ZNF563: variants seen among roughly 807,000 people sequenced by gnomAD.
ZNF563 encodes the protein zinc finger protein 563.
A neutral mutation model predicts 48.5 loss-of-function variants in ZNF563; 39 were observed. That is an observed-to-expected ratio of 0.80 (90% CI 0.62 to 1.05). ZNF563 has a LOEUF of 1.05. Among genes scored for constraint, ZNF563 ranks in the 50% least tolerant of loss-of-function variants. The pLI, the probability that ZNF563 is intolerant of heterozygous loss-of-function variation, is 0.00. For synonymous variants in ZNF563, 168 were observed against 187.9 expected, an observed-to-expected ratio of 0.89 and a Z score of 0.87; for missense variants, 538 against 597.0, an observed-to-expected ratio of 0.90 and a Z score of 1.03.
At chr19:12,340,730 T>C in the ZNF563 span, among the ~76,000 whole-genome samples, 2 of 151,886 alleles carry the variant, frequency 1.3e-5, no homozygotes, top group African/African-American at 2.4e-5. Context: ...TGAGCCAAGA[T>C]TGCACCACTG....
At chr19:12,325,138 C>T (rs1968755156) in intron 1 of ZNF563, among the ~76,000 whole-genome samples, 1 of 152,026 alleles carries the variant, frequency 6.6e-6, no homozygotes, top group African/African-American at 2.4e-5. Context: ...AAAAATGGTG[C>T]AAAATACACA....
the ZNF563 span, chr19:12,346,182 A>G: frequency 2.0e-5 from 3 of 152,164 alleles, no homozygotes; most frequent in South Asian, 2.1e-4. Flanking sequence ...TGGGAGCTGA[A>G]AAAAGAAAGA....
At chr19:12,321,967 A>G (rs1968637034) in intron 2 of ZNF563, among the ~76,000 whole-genome samples, 1 of 152,184 alleles carries the variant, frequency 6.6e-6, no homozygotes, top group Non-Finnish European at 1.5e-5. Flanking sequence ...TTCTTTCTCT[A>G]GTTCACTTTA....
At chr19:12,336,586 C>A (rs537328736), upstream of ZNF563, among the ~76,000 whole-genome samples, 1 of 152,112 alleles carries the variant, frequency 6.6e-6, no homozygotes, top group Admixed American at 6.5e-5. Context: ...AGCGAGACTC[C>A]GTCTCAAAAA....
chr19:12,324,055 A>G (rs931777459), intron 1 of ZNF563, among the ~76,000 whole-genome samples: 4 of 152,192 alleles, frequency 2.6e-5, no homozygotes, highest in African/African-American at 9.7e-5. Flanking sequence ...ACAGACCTAA[A>G]TAACCAAAAA....
At position 12,319,715 on chromosome 19, in the gene ZNF563, G is replaced by C; in HGVS notation, c.310C>G (p.Gln104Glu). The C allele has an allele frequency of 6.2e-7, 1 of 1,614,090 alleles. No homozygotes were observed. Among genetic ancestry groups the C allele is most frequent in the South Asian group, 1.1e-5 (1 of 91,074 alleles). The change falls in exon 4 of 4, where the codon CAA (glutamine) becomes GAA (glutamate). Residue 104 changes from glutamine to glutamate, a missense_variant. Coordinates refer to ENST00000293725, the MANE Select transcript of ZNF563 (RefSeq NM_145276.3). ...ATGACTTCTTCACACTCAGCGCTTT[G>C]ACATGGATCTTCTCCAGGACAAATG... The part of the protein sequence containing the change: ...NSICPGEDPC[Q>E]SAECEEVIMG...
At chr19:12,332,347 CTTTTTT>C (rs567439951) in intron 1 of ZNF563, among the ~76,000 whole-genome samples, 1 of 135,174 alleles carries the variant, frequency 7.4e-6, no homozygotes, top group African/African-American at 2.8e-5. Context: ...TTTCTTTTTT[CTTTTTT>C]TTTTTTTTTT....
rs1192336817 is a variant in ZNF563 at position 12,319,214 on chromosome 19, G to T, written c.811C>A (p.His271Asn). 1 of 1,614,136 alleles carries T rather than the reference G, an allele frequency of 6.2e-7. No homozygotes were observed. The highest frequency in any genetic ancestry group is 1.7e-5 in the Admixed American group (1 of 60,006). ...ALPDSSSYIR[H>N]ERTHTGEKPY... The stretch of plus-strand genomic sequence containing the variant: ...TTCTCTCCAGTGTGAGTTCTTTCAT[G>T]TCTTATATAGGAACTGGAATCAGGC... The change falls in exon 4 of 4, where the codon CAT becomes AAT. Residue 271 changes from histidine to asparagine, a missense_variant. By Grantham distance (68) the His-to-Asn change is moderately conservative. Transcript: ENST00000293725.
intron 1 of ZNF563, among the ~76,000 whole-genome samples, chr19:12,329,472 CAAA>C (rs754295632): frequency 5.3e-5 from 4 of 75,914 alleles, no homozygotes; most frequent in Admixed American, 1.6e-4. Context: ...GACTCCATCT[CAAA>C]AAAAAAAAAA....
chr19:12,343,285 C>G, the ZNF563 span, among the ~76,000 whole-genome samples: 1,772 of 152,016 alleles, frequency 0.012, 50 homozygotes, highest in African/African-American at 0.04. Flanking sequence ...GAAAAGGAAG[C>G]GCAAACTTCT....
chr19:12,344,537 A>T, the ZNF563 span, among the ~76,000 whole-genome samples: 1 of 152,194 alleles, frequency 6.6e-6, no homozygotes, highest in Non-Finnish European at 1.5e-5. Flanking sequence ...CTTTTAAAAA[A>T]TACATTTGAT....
chr19:12,320,650 C>T (rs1184043241), intron 3 of ZNF563, among the ~76,000 whole-genome samples: 1 of 152,004 alleles, frequency 6.6e-6, no homozygotes, highest in Non-Finnish European at 1.5e-5. Flanking sequence ...CAGGTGCATA[C>T]CCCCATGCCC....
the ZNF563 span, among the ~76,000 whole-genome samples, chr19:12,344,970 A>G: frequency 6.6e-6 from 1 of 152,042 alleles, no homozygotes; most frequent in East Asian, 1.9e-4. Context: ...GAAAATTAAG[A>G]AAATAATTTT....
the ZNF563 span, chr19:12,346,189 A>G: frequency 6.6e-6 from 1 of 152,308 alleles, no homozygotes; most frequent in Non-Finnish European, 1.5e-5. Context: ...TGAAAAAAGA[A>G]AGAAATTTTC....
chr19:12,342,931 G>A, the ZNF563 span, among the ~76,000 whole-genome samples: 150 of 151,886 alleles, frequency 9.9e-4, no homozygotes, highest in African/African-American at 3.6e-3. Context: ...GGTGCGGTGG[G>A]TTACACCTGT....
rs1968978023 is a variant in ZNF563, at chr19:12,333,626, G to A, written c.-144C>T. 1 of 1,258,852 alleles carries A rather than the reference G, an allele frequency of 7.9e-7. No homozygotes were observed. The highest frequency in any genetic ancestry group is 1.4e-5 in the South Asian group (1 of 69,004). The allele number at this position is 1,258,852 out of a possible 1,614,324, so 78.0% of individuals were successfully genotyped here. A position where few individuals can be genotyped will look rare whatever the true frequency, so the allele number is the denominator to read the frequency against. On this transcript the variant is annotated 5_prime_UTR_variant, in exon 1 of 4. Transcript: ENST00000293725. ...CAGACGTTCCAGGGCGTCTCTCAGC[G>A]AGCGACTGAGTCTAGAGCTGAGCGC...
In ZNF563 at chr19:12,319,545, T is replaced by C; in HGVS notation, c.480A>G (p.Gly160=). The change falls in exon 4 of 4, where the codon GGA becomes GGG. Residue 160 remains glycine, a synonymous_variant. Coordinates refer to ENST00000293725, the MANE Select transcript of ZNF563 (RefSeq NM_145276.3). ...AGCGTTTCTTTCCAGTGTGAGGCCT[T>C]CCACGCGACTGAAAGGAGTGATGGT... ...FSYHHSFQSR[G]RPHTGKKRYE... 1 of 1,614,210 alleles carries C rather than the reference T, an allele frequency of 6.2e-7. No homozygotes were observed. The highest frequency in any genetic ancestry group is 8.5e-7 in the Non-Finnish European group (1 of 1,180,040).
chr19:12,339,820 A>T, the ZNF563 span, among the ~76,000 whole-genome samples: 1 of 152,230 alleles, frequency 6.6e-6, no homozygotes, highest in South Asian at 2.1e-4. Context: ...GACATCCAAG[A>T]AGCTCAACGA....
intron 1 of ZNF563, among the ~76,000 whole-genome samples, chr19:12,324,425 A>G (rs1334453727): frequency 1.3e-5 from 2 of 151,068 alleles, no homozygotes; most frequent in African/African-American, 2.4e-5. Flanking sequence ...ATGCTAAAAA[A>G]CCTCCTCACT....
Sources: gnomAD v4.1 joint callset for allele counts (sites outside exome capture counted in the v4.1 genomes callset) on GRCh38, gnomAD v4.1.1 for gene constraint, MANE v1.5 for transcripts, NCBI Gene and HGNC (gene_info 2026-07-23, HGNC 2026-07-21) for gene names.